ARNT: variants seen among roughly 807,000 people sequenced by gnomAD.
The protein encoded by ARNT is aryl hydrocarbon receptor nuclear translocator, also known as class E basic helix-loop-helix protein 2.
ARNT carries 30 observed loss-of-function variants against 105.0 expected under a neutral mutation model. The observed-to-expected ratio is 0.29, with a 90% CI of 0.21 to 0.39. The LOEUF is 0.39. ARNT is among the 10% of genes least tolerant of loss of function. ARNT has a pLI of 1.00. For synonymous variants in ARNT, 304 were observed against 344.0 expected (o/e 0.88, Z 1.29); for missense variants, 748 against 978.7 (o/e 0.76, Z 3.15).
At chr1:150,868,363 G>T (rs1217256169) in intron 1 of ARNT, among the ~76,000 whole-genome samples, 1 of 152,068 alleles carries the variant, frequency 6.6e-6, no homozygotes, top group African/African-American at 2.4e-5. Flanking sequence ...GAAGCATACT[G>T]AACAAGAGAA....
rs1370123328 is a variant in ARNT at position 150,862,742 on chromosome 1, T to C, written c.26-4282A>G. On this transcript the variant is annotated intron_variant, in intron 1 of 21. Coordinates refer to ENST00000358595, the MANE Select transcript of ARNT (RefSeq NM_001668.4). ...AAAAAAAAAAAAAAAAAAAAGTTCA[T>C]ACTTTTAGTAATACGTTTATATAGG... 3.6e-5 allele frequency among the ~76,000 whole-genome samples: 5 copies of C among 139,858 alleles called. No homozygotes were observed. The Admixed American group carries it at 3.6e-4, about 10-fold the overall frequency. 91.8% of individuals were successfully genotyped at this position (139,858 alleles called of 152,430 possible).
intron 4 of ARNT, 137 bp from the exon 5 acceptor site, chr1:150,842,605 G>T: frequency 1.5e-6 from 1 of 674,528 alleles, no homozygotes; most frequent in Non-Finnish European, 2.5e-6. Context: ...AGAAAGAAGA[G>T]AGAAAAGGAT....
chr1:150,865,430 A>G (rs1388091878), intron 1 of ARNT, among the ~76,000 whole-genome samples: 2 of 152,190 alleles, frequency 1.3e-5, no homozygotes, highest in Admixed American at 1.3e-4. Context: ...AACCAACTCA[A>G]TTTACGCTAT....
Position 150,811,333 on chromosome 1 carries a change from T to TA in ARNT, c.*687dup, listed in dbSNP as rs1654675393. 4.3e-6 allele frequency: 1 copy of TA among 233,668 alleles called. No individual in the cohort carries two copies. The highest frequency in any genetic ancestry group is 5.6e-5 in the Admixed American group (1 of 17,788). 14.5% of individuals were successfully genotyped at this position (233,668 alleles called of 1,614,324 possible). A position where few individuals can be genotyped will look rare whatever the true frequency, so the allele number is the denominator to read the frequency against. The stretch of plus-strand genomic sequence containing the variant: ...TTTGGCTGCAATACTAAGTGGAAAA[T>TA]ACCTGGAAGATTTAACTCCTTAGGA... On this transcript the variant is annotated 3_prime_UTR_variant, in exon 22 of 22. Coordinates refer to ENST00000358595, the MANE Select transcript of ARNT (RefSeq NM_001668.4).
At chr1:150,846,220 G>T (rs1662178272) in intron 4 of ARNT, 43 bp downstream of exon 4, 1 of 1,532,646 alleles carries the variant, frequency 6.5e-7, no homozygotes, top group Non-Finnish European at 9.0e-7. Flanking sequence ...CTACAACATG[G>T]ATCATATTAT....
intron 2 of ARNT, 37 bp from the exon 3 acceptor site, chr1:150,852,843 G>A (rs2102200959): frequency 6.2e-7 from 1 of 1,612,066 alleles, no homozygotes; most frequent in Non-Finnish European, 8.5e-7. Flanking sequence ...TAAGCCTGCT[G>A]ATAATACAAA....
intron 19 of ARNT, among the ~76,000 whole-genome samples, chr1:150,815,738 G>A (rs1457092398): frequency 6.7e-6 from 1 of 148,178 alleles, no homozygotes; most frequent in Non-Finnish European, 1.5e-5. Context: ...GCGGGCGCCT[G>A]TACAAGTCCC....
rs74866401 is a variant in ARNT at position 150,822,771 on chromosome 1, G to A, written c.1394+423C>T. Among the ~76,000 whole-genome samples, 4 of 152,308 alleles carry A rather than the reference G, an allele frequency of 2.6e-5. No individual in the cohort carries two copies. In the East Asian group the frequency reaches 7.7e-4, roughly 29 times the overall value. Reference sequence around the variant, plus strand: ...AGATGCACAGGTAAAACAACCTGGGGCTTGCAACTGGCATCAGAAGTGGGA... The same window carrying A: ...AGATGCACAGGTAAAACAACCTGGGACTTGCAACTGGCATCAGAAGTGGGA... On this transcript the variant is annotated intron_variant, in intron 14 of 21. Transcript: ENST00000358595.
chr1:150,848,052 T>TA (rs1211658316), intron 3 of ARNT, among the ~76,000 whole-genome samples: 5 of 152,052 alleles, frequency 3.3e-5, no homozygotes, highest in African/African-American at 9.7e-5. Flanking sequence ...ATCCTTTGTG[T>TA]AAAAAAAACT....
At chr1:150,847,055 C>T (rs984371735) in intron 3 of ARNT, among the ~76,000 whole-genome samples, 2 of 152,094 alleles carry the variant, frequency 1.3e-5, no homozygotes, top group African/African-American at 4.8e-5. Flanking sequence ...TTATCTATTG[C>T]GCAAAATGGG....
chr1:150,833,421 G>A (rs890828454), intron 8 of ARNT, among the ~76,000 whole-genome samples: 2 of 152,136 alleles, frequency 1.3e-5, no homozygotes, highest in African/African-American at 4.8e-5. Flanking sequence ...GAACCCAGGA[G>A]GTAGAGGTTG....
At chr1:150,867,036 T>A (rs1370365974) in intron 1 of ARNT, among the ~76,000 whole-genome samples, 1 of 151,978 alleles carries the variant, frequency 6.6e-6, no homozygotes, top group East Asian at 1.9e-4. Flanking sequence ...TGAAACCCCA[T>A]CTCTACTAAA....
At chr1:150,872,975 A>G (rs1049835524) in intron 1 of ARNT, among the ~76,000 whole-genome samples, 24 of 151,914 alleles carry the variant, frequency 1.6e-4, no homozygotes, top group Admixed American at 1.4e-3. Flanking sequence ...GGGAAAAAAA[A>G]TGTGTTCCTC....
At chr1:150,871,816 G>A (rs1448435751) in intron 1 of ARNT, among the ~76,000 whole-genome samples, 1 of 139,146 alleles carries the variant, frequency 7.2e-6, no homozygotes, top group East Asian at 2.2e-4. Flanking sequence ...GCTGAGGCGG[G>A]AGAATAGCTT....
chr1:150,865,858 G>C (rs1666484174), intron 1 of ARNT, among the ~76,000 whole-genome samples: 1 of 152,104 alleles, frequency 6.6e-6, no homozygotes, highest in Admixed American at 6.6e-5. Flanking sequence ...TCCTGAAAGG[G>C]TGTAAGAAAT....
intron 19 of ARNT, among the ~76,000 whole-genome samples, chr1:150,815,819 G>A (rs587710123): frequency 1.5e-4 from 21 of 143,112 alleles, no homozygotes; most frequent in African/African-American, 5.5e-4. Flanking sequence ...AGCCAAGATC[G>A]CACCACTGCA....
chr1:150,813,277 G>A lies in ARNT; in HGVS notation c.2175C>T (p.Val725=). 2 of 1,613,952 alleles carry A rather than the reference G, an allele frequency of 1.2e-6. No individual in the cohort carries two copies. The highest frequency in any genetic ancestry group is 1.7e-6 in the Non-Finnish European group (2 of 1,179,964). ...GCTGCTGGCCCTGCCACTGTGGCCAGACACCCACACCCTCTGCTGTCCGTG... is the reference window on the plus strand; with the variant it reads ...GCTGCTGGCCCTGCCACTGTGGCCAAACACCCACACCCTCTGCTGTCCGTG... ...FQTRTAEGVG[V]WPQWQGQQPH... The change falls in exon 21 of 22, where the codon GTC becomes GTT. Residue 725 remains valine (V), a synonymous_variant. Transcript: ENST00000358595.
At position 150,810,512 on chromosome 1, in the gene ARNT, C is replaced by T; in HGVS notation, c.*1509G>A. On this transcript the variant is annotated 3_prime_UTR_variant, in exon 22 of 22. Transcript: ENST00000358595. ...GGAGACATAAGGAAGGGAAACTCAG[C>T]AAATGGACATTCCTTTGGCCTCTTC... 4.5e-6 allele frequency: 1 copy of T among 220,242 alleles called. No individual in the cohort carries two copies. Among genetic ancestry groups the T allele is most frequent in the Non-Finnish European group, 9.1e-6 (1 of 109,568 alleles). 13.6% of individuals were successfully genotyped at this position (220,242 alleles called of 1,614,324 possible).
chr1:150,816,207 C>G (rs1013759949), intron 19 of ARNT, 52 bp downstream of exon 19: 16 of 1,548,954 alleles, frequency 1.0e-5, no homozygotes, highest in Non-Finnish European at 1.4e-5. Flanking sequence ...CGGAAAAAAG[C>G]CCAAACAAAC....
Sources: gnomAD v4.1 joint callset for allele counts (sites outside exome capture counted in the v4.1 genomes callset) on GRCh38, gnomAD v4.1.1 for gene constraint, MANE v1.5 for transcripts, NCBI Gene and HGNC (gene_info 2026-07-23, HGNC 2026-07-21) for gene names.